The following RGS7 variants were observed in gnomAD, a reference collection of about 807,000 sequenced individuals.
The protein encoded by RGS7 is regulator of G-protein signaling 7.
Under a neutral mutation model 81.1 loss-of-function variants are expected in RGS7, and 27 were observed. The ratio of observed to expected loss-of-function variants is 0.33; its 90% confidence interval spans 0.25 to 0.46. The LOEUF (loss-of-function observed/expected upper bound fraction) is 0.46. Ranked by LOEUF, RGS7 falls within the 20% of genes least tolerant of loss-of-function variation. RGS7 has a pLI of 1.00. For missense variants in RGS7, 396 were observed against 607.4 expected, an observed-to-expected ratio of 0.65 and a Z score of 3.66; for synonymous variants, 208 against 207.7, an observed-to-expected ratio of 1.00 and a Z score of -0.01.
At chr1:241,130,465 AT>A (rs1430632317) in intron 2 of RGS7, among the ~76,000 whole-genome samples, 1 of 152,116 alleles carries the variant, frequency 6.6e-6, no homozygotes, top group African/African-American at 2.4e-5. Flanking sequence ...CCTGGAATGA[AT>A]TTGCTATTCT....
At chr1:240,842,766 C>T (rs534343573) in intron 9 of RGS7, among the ~76,000 whole-genome samples, 2 of 152,112 alleles carry the variant, frequency 1.3e-5, no homozygotes, top group East Asian at 3.9e-4. Flanking sequence ...TTCCTTCCTT[C>T]CTTCCTTTTT....
rs1553268796 is a variant in RGS7 at position 241,147,780 on chromosome 1, T to TTACATATA, written c.79-49019_79-49018insTATATGTA. On this transcript the variant is annotated intron_variant, in intron 2 of 18. Transcript: ENST00000440928. The stretch of plus-strand genomic sequence containing the variant: ...TTAAATATCCCATCTAGATTAAGTT[T>TTACATATA]TATATATATATATATATATATATAT... Among the ~76,000 whole-genome samples, 357 of 44,626 alleles carry TTACATATA rather than the reference T, an allele frequency of 8.0e-3. 14 individuals are homozygous for TTACATATA. The highest frequency in any genetic ancestry group is 0.02 in the African/African-American group (308 of 15,398). 29.3% of individuals were successfully genotyped at this position (44,626 alleles called of 152,430 possible). A position where few individuals can be genotyped will look rare whatever the true frequency, so the allele number is the denominator to read the frequency against.
chr1:240,807,356 ACT>A (rs1277603484), intron 14 of RGS7, among the ~76,000 whole-genome samples: 2 of 152,188 alleles, frequency 1.3e-5, no homozygotes, highest in Non-Finnish European at 2.9e-5. Context: ...CTCCATAAAC[ACT>A]CTTACTGCTC....
intron 2 of RGS7, among the ~76,000 whole-genome samples, chr1:241,252,335 C>A (rs1212453717): frequency 6.6e-6 from 1 of 152,150 alleles, no homozygotes; most frequent in African/African-American, 2.4e-5. Flanking sequence ...TGAGCCACAG[C>A]GCCGGACCTT....
At chr1:241,188,929 C>T (rs781414926) in intron 2 of RGS7, among the ~76,000 whole-genome samples, 4 of 152,166 alleles carry the variant, frequency 2.6e-5, no homozygotes, top group African/African-American at 4.8e-5. Context: ...AAACAATATA[C>T]GAGTGCTCCA....
In RGS7 at chr1:240,868,047, G is replaced by A. The variant is rs1417691519; in HGVS notation, c.609+540C>T. On this transcript the variant is annotated intron_variant, in intron 9 of 18. Coordinates refer to ENST00000440928, the MANE Select transcript of RGS7 (RefSeq NM_001364886.1). The surrounding 1 kb of genome is among the most constrained non-coding windows in gnomAD (Gnocchi z 5.1). Reference sequence around the variant, plus strand: ...AGAAAAGAAAAGAAGAGAAAAGAAAGAAAGAAAGAAAGAAAAGAAGAGAAA... The same window carrying A: ...AGAAAAGAAAAGAAGAGAAAAGAAAAAAAGAAAGAAAGAAAAGAAGAGAAA... Among the ~76,000 whole-genome samples, 4 of 125,084 alleles carry A rather than the reference G, an allele frequency of 3.2e-5. No individual in the cohort carries two copies. The highest frequency in any genetic ancestry group is 5.3e-5 in the Non-Finnish European group (3 of 56,650). The allele number at this position is 125,084 out of a possible 152,430, so 82.1% of individuals were successfully genotyped here. A position where few individuals can be genotyped will look rare whatever the true frequency, so the allele number is the denominator to read the frequency against.
intron 9 of RGS7, among the ~76,000 whole-genome samples, chr1:240,848,633 G>T (rs375683498): frequency 1.5e-4 from 23 of 149,066 alleles, no homozygotes; most frequent in African/African-American, 4.6e-4. Context: ...ATAACGAGAG[G>T]TTTTTTTTTT....
At chr1:241,031,850 T>C (rs2060100231) in intron 3 of RGS7, among the ~76,000 whole-genome samples, 1 of 152,158 alleles carries the variant, frequency 6.6e-6, no homozygotes, top group African/African-American at 2.4e-5. Flanking sequence ...TCGTTGATTA[T>C]TTAAGTTCCT....
At chr1:241,117,960 C>T (rs2065984688) in intron 2 of RGS7, among the ~76,000 whole-genome samples, 1 of 152,126 alleles carries the variant, frequency 6.6e-6, no homozygotes, top group African/African-American at 2.4e-5. Flanking sequence ...CTTTTGATAG[C>T]AATCTGCACT....
At chr1:241,089,063 CTA>C (rs1161090389) in intron 3 of RGS7, among the ~76,000 whole-genome samples, 1,412 of 23,266 alleles carry the variant, frequency 0.061, 60 homozygotes, top group Middle Eastern at 0.14. Context: ...CTCTCTCTCT[CTA>C]TATATATATA....
At chr1:241,156,797 C>G (rs935188757) in intron 2 of RGS7, among the ~76,000 whole-genome samples, 1 of 152,148 alleles carries the variant, frequency 6.6e-6, no homozygotes, top group Non-Finnish European at 1.5e-5. Context: ...CTGTCTTGAG[C>G]CAAGTTGGCA....
At chr1:240,848,099 C>T (rs1262252739) in intron 9 of RGS7, among the ~76,000 whole-genome samples, 1 of 152,132 alleles carries the variant, frequency 6.6e-6, no homozygotes, top group Non-Finnish European at 1.5e-5. Context: ...CGGAAGCCAT[C>T]ACTGCCTTGT....
rs567949218 is a variant in RGS7 at position 240,974,920 on chromosome 1, C to A, written c.226+8159G>T. On this transcript the variant is annotated intron_variant, in intron 4 of 18. Coordinates refer to ENST00000440928, the MANE Select transcript of RGS7 (RefSeq NM_001364886.1). ...TTCAGAGGAAGGGAAAAAAAAAAAA[C>A]CAGAGAAATTAATTTGCCCAATGCC... Among the ~76,000 whole-genome samples, 341 of 150,728 alleles carry A rather than the reference C, an allele frequency of 2.3e-3. 3 individuals carry two copies. The highest frequency in any genetic ancestry group is 7.6e-3 in the African/African-American group (313 of 40,974).
At chr1:241,201,278 A>G (rs2073476387) in intron 2 of RGS7, among the ~76,000 whole-genome samples, 1 of 152,196 alleles carries the variant, frequency 6.6e-6, no homozygotes, top group Non-Finnish European at 1.5e-5. Flanking sequence ...TCTGCAATGC[A>G]TCTTTCATTC....
At chr1:240,960,484 T>C (rs1346809182) in intron 4 of RGS7, among the ~76,000 whole-genome samples, 2 of 150,962 alleles carry the variant, frequency 1.3e-5, no homozygotes, top group Non-Finnish European at 3.0e-5. Flanking sequence ...TCAAGTGATC[T>C]TCCCGCCTCA....
chr1:240,847,687 T>C (rs1659347094), intron 9 of RGS7, among the ~76,000 whole-genome samples: 1 of 152,206 alleles, frequency 6.6e-6, no homozygotes, highest in South Asian at 2.1e-4. Flanking sequence ...CATGAGACTT[T>C]TCGAAATCAT....
chr1:241,188,795 A>G (rs556454385), intron 2 of RGS7, among the ~76,000 whole-genome samples: 2 of 152,364 alleles, frequency 1.3e-5, no homozygotes, highest in Admixed American at 1.3e-4. Flanking sequence ...TTATTTAGGA[A>G]GAGAAGTAGT....
chr1:241,355,325 A>G (rs1461272856), intron 2 of RGS7, among the ~76,000 whole-genome samples: 1 of 152,248 alleles, frequency 6.6e-6, no homozygotes, highest in Admixed American at 6.5e-5. Flanking sequence ...TGATATGCTT[A>G]TATCATTATT....
At position 241,195,259 on chromosome 1, in the gene RGS7, T is replaced by C. The variant is rs181900997; in HGVS notation, c.79-96497A>G. ...GGAAAGCTCAGGTGGGCGGATCACC[T>C]GAGGTCAGGAGTTCGAGACCAGCCT... On this transcript the variant is annotated intron_variant, in intron 2 of 18. Coordinates refer to ENST00000440928, the MANE Select transcript of RGS7 (RefSeq NM_001364886.1). Among the ~76,000 whole-genome samples the C allele has an allele frequency of 2.3e-3, 348 of 152,292 alleles. 1 individual carries two copies. Among genetic ancestry groups the C allele is most frequent in the African/African-American group, 8.0e-3 (334 of 41,584 alleles).
Sources: allele counts gnomAD v4.1 joint callset (sites outside exome capture counted in the v4.1 genomes callset), GRCh38; gene constraint gnomAD v4.1.1; non-coding constraint Gnocchi (gnomAD v3.1); transcripts MANE v1.5; gene names NCBI Gene and HGNC (gene_info 2026-07-23, HGNC 2026-07-21).